GTF2H5: variants seen among roughly 807,000 people sequenced by gnomAD.
GTF2H5 encodes the protein general transcription factor IIH subunit 5, also known as TFB5 ortholog.
In GTF2H5, 5 loss-of-function variants were observed where a neutral mutation model predicts 7.1. The observed-to-expected ratio is 0.71, with a 90% CI of 0.37 to 1.49. The LOEUF (loss-of-function observed/expected upper bound fraction) is 1.49, where lower values mean the gene tolerates loss of function less well. Ranked by LOEUF, GTF2H5 falls within the 40% of genes most tolerant of loss-of-function variation. GTF2H5 has a pLI of 0.03. For missense variants in GTF2H5, 80 were observed against 83.0 expected, an observed-to-expected ratio of 0.96 and a Z score of 0.14; for synonymous variants, 30 against 31.7, an observed-to-expected ratio of 0.95 and a Z score of 0.18.
At chr6:158,180,446 T>C (rs907830246) in intron 2 of GTF2H5, among the ~76,000 whole-genome samples, 4 of 152,212 alleles carry the variant, frequency 2.6e-5, no homozygotes, top group Non-Finnish European at 5.9e-5. Flanking sequence ...GAAGGAATGG[T>C]ACCAGCTCCA....
chr6:158,175,283 C>T (rs1464607012), intron 2 of GTF2H5, among the ~76,000 whole-genome samples: 1 of 152,046 alleles, frequency 6.6e-6, no homozygotes, highest in Non-Finnish European at 1.5e-5. Flanking sequence ...CTCCTTTTAG[C>T]ATGTTGTATA....
chr6:158,180,637 A>G (rs533145455), intron 2 of GTF2H5, among the ~76,000 whole-genome samples: 3 of 151,996 alleles, frequency 2.0e-5, no homozygotes, highest in South Asian at 4.2e-4. Context: ...TTTCTTCTAC[A>G]TTTTCTAGTT....
At chr6:158,183,760 G>C (rs1193417142) in intron 2 of GTF2H5, among the ~76,000 whole-genome samples, 1 of 152,220 alleles carries the variant, frequency 6.6e-6, no homozygotes, top group Non-Finnish European at 1.5e-5. Flanking sequence ...AGTGGGAAAA[G>C]TGCAGCATTT....
At chr6:158,191,222 C>T (rs764430759) in intron 2 of GTF2H5, among the ~76,000 whole-genome samples, 1 of 152,150 alleles carries the variant, frequency 6.6e-6, no homozygotes, top group Non-Finnish European at 1.5e-5. Flanking sequence ...TCTTGATATA[C>T]ACCCTGCCTG....
At chr6:158,177,753 A>T (rs901454438) in intron 2 of GTF2H5, among the ~76,000 whole-genome samples, 2 of 152,120 alleles carry the variant, frequency 1.3e-5, no homozygotes, top group African/African-American at 4.8e-5. Flanking sequence ...CTGGTGTGTG[A>T]TGATCGCCTC....
chr6:158,191,956 A>G (rs1777035586), intron 2 of GTF2H5, 21 bp from the exon 3 acceptor site: 1 of 1,602,934 alleles, frequency 6.2e-7, no homozygotes, highest in Non-Finnish European at 8.5e-7. Context: ...CTGTCTTACA[A>G]TCATGTGTTT....
In GTF2H5 at chr6:158,169,598, TTACA is replaced by T. The variant is rs1291829527; in HGVS notation, c.-34-869_-34-866del. Among the ~76,000 whole-genome samples the T allele has an allele frequency of 4.5e-5, 4 of 88,606 alleles. 1 individual carries two copies. The highest frequency in any genetic ancestry group is 1.5e-4 in the African/African-American group (3 of 20,566). The allele number at this position is 88,606 out of a possible 152,430, so 58.1% of individuals were successfully genotyped here. ...TATATTATATATAATATATTGTATA[TTACA>T]TATATTGTATATTACATATAATATA... On this transcript the variant is annotated intron_variant, in intron 1 of 2. Coordinates refer to ENST00000607778, the MANE Select transcript of GTF2H5 (RefSeq NM_207118.3).
intron 2 of GTF2H5, among the ~76,000 whole-genome samples, chr6:158,187,631 G>A (rs186091553): frequency 6.1e-4 from 92 of 152,038 alleles, no homozygotes; most frequent in Admixed American, 1.8e-3. Context: ...TCAGTGGCGC[G>A]ATCTTGGCTC....
chr6:158,178,456 CAAAA>C (rs34745319), intron 2 of GTF2H5, among the ~76,000 whole-genome samples: 1 of 88,500 alleles, frequency 1.1e-5, no homozygotes. Context: ...GACTCCATCT[CAAAA>C]AAAAAAAAAA....
intron 1 of GTF2H5, 67 bp downstream of exon 1, chr6:158,168,462 AG>A (rs1785671870): frequency 6.6e-6 from 1 of 152,414 alleles, no homozygotes; most frequent in Non-Finnish European, 1.5e-5. Context: ...TCCCAAAGAA[AG>A]GGGAGAGGAA....
chr6:158,169,424 A>ATT (rs1785727184), intron 1 of GTF2H5, among the ~76,000 whole-genome samples: 4 of 76,738 alleles, frequency 5.2e-5, no homozygotes, highest in African/African-American at 2.5e-4. Flanking sequence ...TATTATATAT[A>ATT]ATATATTGTA....
At chr6:158,191,858 T>C in intron 2 of GTF2H5, 119 bp from the exon 3 acceptor site, 1 of 767,208 alleles carries the variant, frequency 1.3e-6, no homozygotes. Flanking sequence ...AGTGAGGGAT[T>C]GAGTAACAGA....
At chr6:158,174,860 G>A (rs1338751019) in intron 2 of GTF2H5, among the ~76,000 whole-genome samples, 1 of 152,122 alleles carries the variant, frequency 6.6e-6, no homozygotes, top group Non-Finnish European at 1.5e-5. Flanking sequence ...AAGCTATATC[G>A]TTTATGAGAA....
intron 2 of GTF2H5, among the ~76,000 whole-genome samples, chr6:158,180,416 T>C (rs954907361): frequency 1.3e-5 from 2 of 152,212 alleles, no homozygotes; most frequent in African/African-American, 4.8e-5. Context: ...CCTCTTTTTC[T>C]GTTGATCGGA....
rs1047365831 is a variant in GTF2H5, at chr6:158,192,471, A to G, written c.*314A>G. 3.1e-6 allele frequency: 1 copy of G among 323,716 alleles called. No individual in the cohort carries two copies. The highest frequency in any genetic ancestry group is 5.9e-6 in the Non-Finnish European group (1 of 169,784). The allele number at this position is 323,716 out of a possible 1,614,324, so 20.1% of individuals were successfully genotyped here. ...TGTAACATAGGTATTTATTTTGCTC[A>G]TCCCTGTGATCTGTGCATTTTTGCT... On this transcript the variant is annotated 3_prime_UTR_variant, in exon 3 of 3. Transcript: ENST00000607778.
At chr6:158,187,245 C>T (rs547186736) in intron 2 of GTF2H5, among the ~76,000 whole-genome samples, 26 of 152,176 alleles carry the variant, frequency 1.7e-4, no homozygotes, top group African/African-American at 6.3e-4. Context: ...ATCCACCCAC[C>T]TCAGCCTCCC....
At chr6:158,189,362 A>G (rs1419284356) in intron 2 of GTF2H5, among the ~76,000 whole-genome samples, 1 of 152,138 alleles carries the variant, frequency 6.6e-6, no homozygotes, top group Non-Finnish European at 1.5e-5. Context: ...TTCCCTTGAA[A>G]AAACTATCTT....
At chr6:158,175,506 G>A (rs969674439) in intron 2 of GTF2H5, among the ~76,000 whole-genome samples, 1 of 152,234 alleles carries the variant, frequency 6.6e-6, no homozygotes, top group African/African-American at 2.4e-5. Flanking sequence ...GCTCACGCCT[G>A]TAATCCCAAC....
Position 158,170,529 on chromosome 6 carries a change from T to A in GTF2H5, c.26T>A (p.Leu9His). 1.2e-6 allele frequency: 2 copies of A among 1,607,938 alleles called. No homozygotes were observed. Among genetic ancestry groups the A allele is most frequent in the Non-Finnish European group, 1.7e-6 (2 of 1,174,300 alleles). MVNVLKGV[L>H]IECDPAMKQF... ...ATGGTCAACGTCTTGAAAGGAGTGCTTATAGAATGGTTAGTAGTTTTGATA... is the reference window on the plus strand; with the variant it reads ...ATGGTCAACGTCTTGAAAGGAGTGCATATAGAATGGTTAGTAGTTTTGATA... The change falls in exon 2 of 3, where the codon CTT (leucine) becomes CAT (histidine). Residue 9 changes from leucine (L) to histidine (H), a missense_variant. Coordinates refer to ENST00000607778, the MANE Select transcript of GTF2H5 (RefSeq NM_207118.3).
Sources: gnomAD v4.1 joint callset for allele counts (sites outside exome capture counted in the v4.1 genomes callset) on GRCh38, gnomAD v4.1.1 for gene constraint, MANE v1.5 for transcripts, NCBI Gene and HGNC (gene_info 2026-07-23, HGNC 2026-07-21) for gene names.